The following ZNF425 variants were observed in gnomAD, a reference collection of about 807,000 sequenced individuals.
ZNF425 encodes zinc finger protein 425.
Under a neutral mutation model 17.0 loss-of-function variants are expected in ZNF425, and 21 were observed. That is an observed-to-expected ratio of 1.23 (90% CI 0.88 to 1.78). The LOEUF (loss-of-function observed/expected upper bound fraction) is 1.78, where lower values mean the gene tolerates loss of function less well. ZNF425 is among the 40% of genes most tolerant of loss of function. ZNF425 has a pLI of 0.00. For synonymous variants in ZNF425, 433 were observed against 384.1 expected (o/e 1.13, Z -1.49); for missense variants, 868 against 967.3 (o/e 0.90, Z 1.36).
At chr7:149,125,799 G>A (rs572246277) in intron 1 of ZNF425, 7 of 364,684 alleles carry the variant, frequency 1.9e-5, no homozygotes, top group Middle Eastern at 8.3e-4. Flanking sequence ...TCCGAGCTGG[G>A]CCGGTTCCCC....
intron 1 of ZNF425, among the ~76,000 whole-genome samples, chr7:149,122,131 C>T (rs1826367093): frequency 6.7e-6 from 1 of 149,486 alleles, no homozygotes; most frequent in South Asian, 2.1e-4. Flanking sequence ...TGGGGTTTCA[C>T]CATGTTAGCC....
chr7:149,112,973 C>G (rs1426307158), intron 2 of ZNF425, among the ~76,000 whole-genome samples: 5 of 123,986 alleles, frequency 4.0e-5, no homozygotes, highest in Admixed American at 8.2e-5. Context: ...CCCCGTGACC[C>G]TTTTTTTTTT....
At chr7:149,125,552 C>A (rs1375053878) in intron 1 of ZNF425, 1 of 154,470 alleles carries the variant, frequency 6.5e-6, no homozygotes, top group Non-Finnish European at 1.4e-5. Context: ...AGAGCACGGG[C>A]CCCAGAGAGA....
Position 149,104,779 on chromosome 7 carries a change from G to A in ZNF425, c.1092C>T (p.Gly364=), listed in dbSNP as rs750803765. The A allele has an allele frequency of 1.2e-6, 2 of 1,613,426 alleles. No homozygotes were observed. Among genetic ancestry groups the A allele is most frequent in the Non-Finnish European group, 8.5e-7 (1 of 1,179,922 alleles). Residue 364 remains glycine (G), a synonymous_variant, in exon 4 of 4, where the codon GGC becomes GGT. Coordinates refer to ENST00000378061, the MANE Select transcript of ZNF425 (RefSeq NM_001001661.3). This position sits in a 1 kb window ranked among gnomAD's most constrained non-coding sequence, Gnocchi z 4.3. ...GKRPFHCPEC[G]RSFSRKAALK... is the part of the protein sequence containing the mutation. ...GGGCAGCCTTCCGGGAGAAGCTCCGGCCACACTCGGGACAGTGGAAGGGCC... is the reference window on the plus strand; with the variant it reads ...GGGCAGCCTTCCGGGAGAAGCTCCGACCACACTCGGGACAGTGGAAGGGCC...
Position 149,112,300 on chromosome 7 carries a change from A to G in ZNF425, c.146-5T>C. On this transcript the variant is annotated splice_region_variant and splice_polypyrimidine_tract_variant and intron_variant, in intron 2 of 3. Coordinates refer to ENST00000378061, the MANE Select transcript of ZNF425 (RefSeq NM_001001661.3). ...CTGGCTTGGAAAAAGCATACCCTGC[A>G]AATAGAGTCCACACAGACTTTGAGT... 1 of 1,612,764 alleles carries G rather than the reference A, an allele frequency of 6.2e-7. No individual in the cohort carries two copies. Among genetic ancestry groups the G allele is most frequent in the East Asian group, 2.2e-5 (1 of 44,820 alleles).
At chr7:149,110,571 A>AG (rs1289110871) in intron 3 of ZNF425, among the ~76,000 whole-genome samples, 1 of 151,642 alleles carries the variant, frequency 6.6e-6, no homozygotes, top group East Asian at 2.0e-4. Flanking sequence ...ATCTCACAAA[A>AG]AAAAAAAAAA....
rs548574499 is a variant in ZNF425, at chr7:149,114,978, A to G, written c.146-2683T>C. On this transcript the variant is annotated intron_variant, in intron 2 of 3. Coordinates refer to ENST00000378061, the MANE Select transcript of ZNF425 (RefSeq NM_001001661.3). ...GAGACAGAGTCTTACTCTGTCACCCAGGCTGGACTGCAGAGTTGTGATCTT... is the reference window on the plus strand; with the variant it reads ...GAGACAGAGTCTTACTCTGTCACCCGGGCTGGACTGCAGAGTTGTGATCTT... 9.9e-4 allele frequency among the ~76,000 whole-genome samples: 126 copies of G among 127,222 alleles called. 2 individuals are homozygous for G. The Middle Eastern group carries it at 0.021, about 21-fold the overall frequency. 83.5% of individuals were successfully genotyped at this position (127,222 alleles called of 152,430 possible).
At chr7:149,125,612 C>G (rs1308952328) in intron 1 of ZNF425, 1 of 158,776 alleles carries the variant, frequency 6.3e-6, no homozygotes, top group Admixed American at 6.4e-5. Flanking sequence ...CGTTGTTGAT[C>G]TGAGCCTACA....
rs751695094 is a variant in ZNF425, at chr7:149,102,867, G to C, written c.*745C>G. On this transcript the variant is annotated 3_prime_UTR_variant, in exon 4 of 4. Coordinates refer to ENST00000378061, the MANE Select transcript of ZNF425 (RefSeq NM_001001661.3). ...AAACAGAAGCCCTCTCACCATCTGA[G>C]AGAAAATGAAAATCCACTATGAGAG... 1.3e-5 allele frequency: 2 copies of C among 152,162 alleles called. No individual in the cohort carries two copies. The highest frequency in any genetic ancestry group is 4.8e-5 in the African/African-American group (2 of 41,450). The allele number at this position is 152,162 out of a possible 1,614,324, so 9.4% of individuals were successfully genotyped here. A position where few individuals can be genotyped will look rare whatever the true frequency, so the allele number is the denominator to read the frequency against.
chr7:149,107,498 C>T (rs7785715), intron 3 of ZNF425, among the ~76,000 whole-genome samples: 1,817 of 151,830 alleles, frequency 0.012, 31 homozygotes, highest in African/African-American at 0.042. Flanking sequence ...CCACCACGCC[C>T]GGCTAATTTT....
At position 149,105,478 on chromosome 7, in the gene ZNF425, T is replaced by A. The variant is rs1196609957; in HGVS notation, c.393A>T (p.Lys131Asn). Reference sequence around the variant, plus strand: ...TTTGAGCTAATAAAATCTTTCTCTCTTTCCCTCGTAAGGCAGCACACAAGT... The same window carrying A: ...TTTGAGCTAATAAAATCTTTCTCTCATTCCCTCGTAAGGCAGCACACAAGT... ...KQDLCAALRG[K>N]ERKILLAQTA... Residue 131 changes from lysine to asparagine, a missense_variant, in exon 4 of 4, where the codon AAA (lysine) becomes AAT (asparagine). This residue lies in a region of ZNF425 where 179 missense variants were observed against 216.3 expected (regional missense o/e 0.83). Transcript: ENST00000378061. 1.3e-6 allele frequency: 2 copies of A among 1,524,336 alleles called. No homozygotes were observed. The highest frequency in any genetic ancestry group is 1.8e-6 in the Non-Finnish European group (2 of 1,140,488). 94.4% of individuals were successfully genotyped at this position (1,524,336 alleles called of 1,614,324 possible).
chr7:149,111,054 C>A (rs1410199180), intron 3 of ZNF425, among the ~76,000 whole-genome samples: 1 of 152,012 alleles, frequency 6.6e-6, no homozygotes, highest in Non-Finnish European at 1.5e-5. Flanking sequence ...CTTGACCTAC[C>A]AAGGTGCTAG....
At chr7:149,118,145 C>G in intron 2 of ZNF425, 77 bp downstream of exon 2, 1 of 1,554,460 alleles carries the variant, frequency 6.4e-7, no homozygotes, top group Non-Finnish European at 8.9e-7. Context: ...TCAACCAGCC[C>G]ACGGCTCATA....
chr7:149,105,998 C>T (rs1221775695), intron 3 of ZNF425, among the ~76,000 whole-genome samples: 1 of 147,898 alleles, frequency 6.8e-6, no homozygotes, highest in Non-Finnish European at 1.5e-5. Flanking sequence ...CTCTGTCGCC[C>T]AGGCTGGAGT....
Position 149,104,594 on chromosome 7 carries a change from T to C in ZNF425, c.1277A>G (p.Lys426Arg). The C allele has an allele frequency of 6.2e-7, 1 of 1,614,114 alleles. No homozygotes were observed. Among genetic ancestry groups the C allele is most frequent in the East Asian group, 2.2e-5 (1 of 44,874 alleles). The change falls in exon 4 of 4, where the codon AAG (lysine) becomes AGG (arginine). Residue 426 changes from lysine (K) to arginine (R), a missense_variant. By Grantham distance (26) the Lys-to-Arg change is conservative. Coordinates refer to ENST00000378061, the MANE Select transcript of ZNF425 (RefSeq NM_001001661.3). The surrounding 1 kb of genome is among the most constrained non-coding windows in gnomAD (Gnocchi z 4.3). ...CPECNKSFRL[K>R]RSLKAHGLQH... ...CAGCCCGTGGGCTTTCAGGCTTCTC[T>C]TGAGGCGGAAACTTTTGTTACACTC...
At chr7:149,108,436 C>T (rs1053329029) in intron 3 of ZNF425, among the ~76,000 whole-genome samples, 1 of 152,124 alleles carries the variant, frequency 6.6e-6, no homozygotes, top group Non-Finnish European at 1.5e-5. Flanking sequence ...ACCTTGAATC[C>T]CCTTCCTCAT....
intron 1 of ZNF425, among the ~76,000 whole-genome samples, chr7:149,119,651 A>C (rs1826320976): frequency 6.6e-6 from 1 of 152,068 alleles, no homozygotes; most frequent in Admixed American, 6.6e-5. Flanking sequence ...AATAAAAGCC[A>C]GGTATGGTAA....
chr7:149,114,265 G>T (rs1285434293), intron 2 of ZNF425, among the ~76,000 whole-genome samples: 3 of 149,360 alleles, frequency 2.0e-5, no homozygotes, highest in Non-Finnish European at 4.4e-5. Flanking sequence ...GTAGAGACGG[G>T]GTTTCACCAA....
At chr7:149,107,877 T>G (rs554541668) in intron 3 of ZNF425, among the ~76,000 whole-genome samples, 1 of 151,034 alleles carries the variant, frequency 6.6e-6, no homozygotes, top group Non-Finnish European at 1.5e-5. Context: ...TATTTATTTA[T>G]TTTTGAGCTA....
Sources: gnomAD v4.1 joint callset for allele counts (sites outside exome capture counted in the v4.1 genomes callset) on GRCh38, gnomAD v4.1.1 for gene constraint, gnomAD v4.1.1 regional missense constraint, Gnocchi (gnomAD v3.1) non-coding constraint, MANE v1.5 for transcripts, NCBI Gene and HGNC (gene_info 2026-07-23, HGNC 2026-07-21) for gene names.